Variants in RAP1GAP2 observed in about 807,000 individuals in gnomAD.
The protein encoded by RAP1GAP2 is rap1 GTPase-activating protein 2.
A neutral mutation model predicts 95.0 loss-of-function variants in RAP1GAP2; 27 were observed. The observed-to-expected ratio is 0.28, with a 90% CI of 0.21 to 0.39. The LOEUF (loss-of-function observed/expected upper bound fraction) is 0.39. Ranked by LOEUF, RAP1GAP2 falls within the 10% of genes least tolerant of loss-of-function variation. The probability of loss-of-function intolerance (pLI) is 1.00; values close to 1 mark genes in which losing one functional copy is unlikely to be tolerated. For missense variants in RAP1GAP2, 771 were observed against 970.0 expected, an observed-to-expected ratio of 0.79 and a Z score of 2.72; for synonymous variants, 373 against 380.9, an observed-to-expected ratio of 0.98 and a Z score of 0.24.
chr17:2,832,402 C>CA (rs1452695685), intron 2 of RAP1GAP2, among the ~76,000 whole-genome samples: 12 of 149,444 alleles, frequency 8.0e-5, no homozygotes, highest in African/African-American at 2.9e-4. Flanking sequence ...ACTAAAAATA[C>CA]AAAAAATTAC....
Position 2,865,180 on chromosome 17 carries a change from C to T in RAP1GAP2, c.81-40104C>T, listed in dbSNP as rs138597023. ...CCCTGGCTGAGGTACTTAACACCCC[C>T]GTGCTACAGTCCAATGAAGTAGATT... On this transcript the variant is annotated intron_variant, in intron 2 of 24. Coordinates refer to ENST00000254695, the MANE Select transcript of RAP1GAP2 (RefSeq NM_015085.5). 1.9e-3 allele frequency among the ~76,000 whole-genome samples: 282 copies of T among 152,230 alleles called. 3 individuals carry two copies. The highest frequency in any genetic ancestry group is 6.3e-3 in the African/African-American group (261 of 41,522).
At position 2,998,321 on chromosome 17, in the gene RAP1GAP2, A is replaced by G. The variant is rs759938375; in HGVS notation, c.1145A>G (p.His382Arg). The change falls in exon 14 of 25, where the codon CAT (histidine) becomes CGT (arginine). Residue 382 changes from histidine (H) to arginine (R), a missense_variant. Coordinates refer to ENST00000254695, the MANE Select transcript of RAP1GAP2 (RefSeq NM_015085.5). Reference protein sequence around the residue: ...VPDMIASNFLHAYIVVQVETP... With the variant: ...VPDMIASNFLRAYIVVQVETP... The stretch of plus-strand genomic sequence containing the variant: ...GACATGATAGCCTCCAATTTCTTAC[A>G]TGCCTACATCGTCGTGCAGGTCGAG... 1.9e-6 allele frequency: 3 copies of G among 1,614,042 alleles called. No individual in the cohort carries two copies. The Admixed American group carries it at 5.0e-5, about 27-fold the overall frequency.
At chr17:2,767,233 A>G (rs554458805) in intron 1 of RAP1GAP2, among the ~76,000 whole-genome samples, 148 of 151,648 alleles carry the variant, frequency 9.8e-4, no homozygotes, top group African/African-American at 3.5e-3. Context: ...GTGGTGACAG[A>G]TGCCTGTAAT....
intron 2 of RAP1GAP2, among the ~76,000 whole-genome samples, chr17:2,829,949 G>A (rs2070756458): frequency 6.6e-6 from 1 of 151,854 alleles, no homozygotes; most frequent in Non-Finnish European, 1.5e-5. Flanking sequence ...ACCGTACCTG[G>A]CAGTCTCTTT....
At chr17:2,919,888 A>G (rs1019682567) in intron 3 of RAP1GAP2, among the ~76,000 whole-genome samples, 2 of 151,266 alleles carry the variant, frequency 1.3e-5, no homozygotes, top group Non-Finnish European at 2.9e-5. Context: ...TGTAGTAGAG[A>G]TGGGGTTTCG....
At chr17:2,894,890 G>A (rs574168903) in intron 2 of RAP1GAP2, among the ~76,000 whole-genome samples, 5 of 152,186 alleles carry the variant, frequency 3.3e-5, no homozygotes, top group African/African-American at 9.6e-5. Flanking sequence ...CCTTCCAGCC[G>A]CTCCGTTCTC....
At chr17:2,928,841 T>C (rs2043050986) in intron 3 of RAP1GAP2, among the ~76,000 whole-genome samples, 1 of 152,048 alleles carries the variant, frequency 6.6e-6, no homozygotes, top group Admixed American at 6.6e-5. Context: ...GTGCCTGTTA[T>C]AGCCTCAGCC....
At position 2,998,927 on chromosome 17, in the gene RAP1GAP2, C is replaced by T. The variant is rs558527828; in HGVS notation, c.1200+551C>T. Among the ~76,000 whole-genome samples the T allele has an allele frequency of 3.9e-5, 6 of 152,076 alleles. No homozygotes were observed. The South Asian group carries it at 8.3e-4, about 21-fold the overall frequency. ...AAGGGTAGCGATAGAAGGGTGCTAA[C>T]GAAGGAAAAAAAGAAAAAAATGTTG... On this transcript the variant is annotated intron_variant, in intron 14 of 24. Transcript: ENST00000254695.
rs747898728 is a variant in RAP1GAP2, at chr17:2,800,530, G to A, written c.60G>A (p.Met20Ile). The change falls in exon 2 of 25, where the codon ATG (methionine) becomes ATA (isoleucine). Residue 20 changes from methionine (M) to isoleucine (I), a missense_variant. By Grantham distance (10) the Met-to-Ile change is conservative (BLOSUM62 1). Transcript: ENST00000254695. ...CTCTTGGCAGGATCGACAAGACCAT[G>A]CTGGCAAGTCTGAAGGTCAAGTAAG... The part of the protein sequence containing the change: ...FGGFGWIDKT[M>I]LASLKVKKQE... The A allele has an allele frequency of 6.2e-7, 1 of 1,613,060 alleles. No homozygotes were observed. Among genetic ancestry groups the A allele is most frequent in the Admixed American group, 1.7e-5 (1 of 59,866 alleles).
At chr17:2,760,665 C>T (rs1007065556) in intron 1 of RAP1GAP2, among the ~76,000 whole-genome samples, 3 of 150,858 alleles carry the variant, frequency 2.0e-5, no homozygotes, top group Non-Finnish European at 4.4e-5. Flanking sequence ...TTTTTACTTA[C>T]GGTAAACTTT....
chr17:2,984,739 T>C (rs944265116), intron 10 of RAP1GAP2, among the ~76,000 whole-genome samples: 6 of 151,804 alleles, frequency 4.0e-5, no homozygotes, highest in Non-Finnish European at 8.8e-5. Flanking sequence ...TGGATGGGAG[T>C]GGAATGAGTG....
At chr17:3,030,177 T>TACACAC (rs61671474) in intron 22 of RAP1GAP2, among the ~76,000 whole-genome samples, 2 of 145,236 alleles carry the variant, frequency 1.4e-5, no homozygotes, top group African/African-American at 5.1e-5. Context: ...ATATATATTA[T>TACACAC]ACACACACAC....
At chr17:2,805,125 G>C (rs2069459253) in intron 2 of RAP1GAP2, among the ~76,000 whole-genome samples, 1 of 152,142 alleles carries the variant, frequency 6.6e-6, no homozygotes, top group Admixed American at 6.6e-5. Context: ...GTCTGTATTT[G>C]CTGAATGAAT....
In RAP1GAP2 at chr17:2,837,594, G is replaced by A. The variant is rs2071191913; in HGVS notation, c.80+37044G>A. Among the ~76,000 whole-genome samples, 5 of 145,246 alleles carry A rather than the reference G, an allele frequency of 3.4e-5. No individual in the cohort carries two copies. The South Asian group carries it at 1.1e-3, about 32-fold the overall frequency. ...TCCACAGGACCATCTGTGTCAGGGT[G>A]TCAGCCCTGCTTCTTTTTTTTTTTT... On this transcript the variant is annotated intron_variant, in intron 2 of 24. Coordinates refer to ENST00000254695, the MANE Select transcript of RAP1GAP2 (RefSeq NM_015085.5).
rs940541551 is a variant in RAP1GAP2 at position 3,027,549 on chromosome 17, A to G, written c.2107+479A>G. Among the ~76,000 whole-genome samples the G allele has an allele frequency of 2.6e-5, 4 of 152,074 alleles. No homozygotes were observed. The highest frequency in any genetic ancestry group is 5.9e-5 in the Non-Finnish European group (4 of 68,020). On this transcript the variant is annotated intron_variant, in intron 22 of 24. Transcript: ENST00000254695. The surrounding 1 kb of genome is among the most constrained non-coding windows in gnomAD (Gnocchi z 5.2). ...GAGAGAGCGGGTATTCCGGAACTGC[A>G]CGTGTTCATGGCAGCTGGGTTCACA...
intron 2 of RAP1GAP2, 64 bp from the exon 3 acceptor site, chr17:2,905,220 C>G (rs1293435512): frequency 1.4e-6 from 2 of 1,480,810 alleles, no homozygotes; most frequent in Non-Finnish European, 1.9e-6. Flanking sequence ...AGCCCAGTCA[C>G]TCTTGGAGGA....
Position 2,986,865 on chromosome 17 carries a change from G to A in RAP1GAP2, c.813+1799G>A, listed in dbSNP as rs554134121. Among the ~76,000 whole-genome samples, 13 of 152,336 alleles carry A rather than the reference G, an allele frequency of 8.5e-5. No individual in the cohort carries two copies. The East Asian group carries it at 2.5e-3, about 29-fold the overall frequency. On this transcript the variant is annotated intron_variant, in intron 11 of 24. Coordinates refer to ENST00000254695, the MANE Select transcript of RAP1GAP2 (RefSeq NM_015085.5). ...CTGCATTGTTTTTCTAGTGGGAGAT[G>A]TAGTTTGCCTGGAAGCAGCTGCTCT...
Position 3,013,983 on chromosome 17 carries a change from AGG to A in RAP1GAP2, c.1495-4076_1495-4075del, listed in dbSNP as rs35135863. ...ATGGAATCCTTTCTGGGAAAGAGACAGGGAGGAATACAATCACGTGTCACTCA... is the reference window on the plus strand; with the variant it reads ...ATGGAATCCTTTCTGGGAAAGAGACAGAGGAATACAATCACGTGTCACTCA... On this transcript the variant is annotated intron_variant, in intron 17 of 24. Transcript: ENST00000254695. 1.8e-4 allele frequency among the ~76,000 whole-genome samples: 5 copies of A among 27,282 alleles called. No individual in the cohort carries two copies. The Admixed American group carries it at 2.3e-3, about 13-fold the overall frequency. 17.9% of individuals were successfully genotyped at this position (27,282 alleles called of 152,430 possible).
chr17:2,985,993 A>G (rs1251971080), intron 11 of RAP1GAP2, among the ~76,000 whole-genome samples: 1 of 152,068 alleles, frequency 6.6e-6, no homozygotes, highest in African/African-American at 2.4e-5. Flanking sequence ...CACCCATTTC[A>G]TCTTTGTATC....
Sources: allele counts gnomAD v4.1 joint callset (sites outside exome capture counted in the v4.1 genomes callset), GRCh38; gene constraint gnomAD v4.1.1; non-coding constraint Gnocchi (gnomAD v3.1); transcripts MANE v1.5; gene names NCBI Gene and HGNC (gene_info 2026-07-23, HGNC 2026-07-21).